The following KCNN3 variants were observed in gnomAD, a reference collection of about 807,000 sequenced individuals.
The protein encoded by KCNN3 is small conductance calcium-activated potassium channel protein 3.
In KCNN3, 16 loss-of-function variants were observed where a neutral mutation model predicts 62.9. The observed-to-expected ratio is 0.25, with a 90% CI of 0.17 to 0.39. The LOEUF (loss-of-function observed/expected upper bound fraction) is 0.39. Ranked by LOEUF, KCNN3 falls within the 10% of genes least tolerant of loss-of-function variation. The pLI, the probability that KCNN3 is intolerant of heterozygous loss-of-function variation, is 1.00. For synonymous variants in KCNN3, 370 were observed against 389.2 expected (o/e 0.95, Z 0.58); for missense variants, 599 against 949.4 (o/e 0.63, Z 4.85).
intron 2 of KCNN3, among the ~76,000 whole-genome samples, chr1:154,806,991 C>T (rs114942762): frequency 6.6e-6 from 1 of 152,172 alleles, no homozygotes; most frequent in African/African-American, 2.4e-5. Context: ...AGAATGTTCT[C>T]TGCTACAAGA....
intron 1 of KCNN3, among the ~76,000 whole-genome samples, chr1:154,853,296 CTTCT>C (rs1304071376): frequency 1.3e-5 from 2 of 151,856 alleles, no homozygotes; most frequent in African/African-American, 2.4e-5. Flanking sequence ...GCCCTAAGCA[CTTCT>C]TTATTTGTTT....
intron 1 of KCNN3, among the ~76,000 whole-genome samples, chr1:154,860,951 G>GT (rs761437574): frequency 0.088 from 9,887 of 111,984 alleles, 1,133 homozygotes; most frequent in African/African-American, 0.24. Flanking sequence ...TGCCACCCAA[G>GT]TTTTTTTTTT....
intron 1 of KCNN3, among the ~76,000 whole-genome samples, chr1:154,860,943 C>A (rs1443489879): frequency 1.3e-5 from 2 of 148,970 alleles, no homozygotes; most frequent in Middle Eastern, 3.4e-3. Context: ...CACTGGTGTG[C>A]CACCCAAGTT....
chr1:154,807,307 C>T (rs138401275), intron 2 of KCNN3, among the ~76,000 whole-genome samples: 1 of 152,186 alleles, frequency 6.6e-6, no homozygotes, highest in Non-Finnish European at 1.5e-5. Context: ...AGCCCGTAAC[C>T]CAACAGCAGC....
intron 5 of KCNN3, among the ~76,000 whole-genome samples, chr1:154,718,685 G>A (rs1700282117): frequency 6.6e-6 from 1 of 152,236 alleles, no homozygotes. Flanking sequence ...CTGCGGAGAA[G>A]ACGGTATGCA....
At chr1:154,868,759 A>AC in intron 1 of KCNN3, among the ~76,000 whole-genome samples, 1 of 151,826 alleles carries the variant, frequency 6.6e-6, no homozygotes, top group East Asian at 1.9e-4. Context: ...GATGTCCCCT[A>AC]CCCCCCAGAG....
chr1:154,801,088 C>G (rs1649933285), intron 2 of KCNN3, among the ~76,000 whole-genome samples: 1 of 151,862 alleles, frequency 6.6e-6, no homozygotes, highest in Non-Finnish European at 1.5e-5. Context: ...TGGACTCCAG[C>G]CTCCGTCCTC....
At chr1:154,863,262 C>T (rs1009327814) in intron 1 of KCNN3, among the ~76,000 whole-genome samples, 11 of 152,158 alleles carry the variant, frequency 7.2e-5, no homozygotes, top group Non-Finnish European at 1.6e-4. Context: ...CCATTCGCCT[C>T]CTCCGGACTT....
At chr1:154,786,598 A>G (rs1268804973) in intron 2 of KCNN3, among the ~76,000 whole-genome samples, 1 of 152,258 alleles carries the variant, frequency 6.6e-6, no homozygotes, top group Non-Finnish European at 1.5e-5. Flanking sequence ...ACACCAACAC[A>G]TAAAAACAAA....
chr1:154,861,708 TC>T lies in KCNN3; in HGVS notation c.933+7323del, dbSNP rs1571347612. The stretch of plus-strand genomic sequence containing the variant: ...CAAGCACCAACACCATAAACCACCG[TC>T]CGCCTGGGATGGATGCCATCTGGGT... On this transcript the variant is annotated intron_variant, in intron 1 of 7. Transcript: ENST00000271915. Among the ~76,000 whole-genome samples, 3 of 152,242 alleles carry T rather than the reference TC, an allele frequency of 2.0e-5. No individual in the cohort carries two copies. The East Asian group carries it at 5.8e-4, about 29-fold the overall frequency.
intron 2 of KCNN3, among the ~76,000 whole-genome samples, chr1:154,813,543 G>T (rs1250071527): frequency 6.6e-6 from 1 of 152,108 alleles, no homozygotes; most frequent in African/African-American, 2.4e-5. Context: ...TCCTGCCAGG[G>T]TTCAAGGGCA....
At chr1:154,854,184 G>A (rs1347741718) in intron 1 of KCNN3, among the ~76,000 whole-genome samples, 2 of 152,260 alleles carry the variant, frequency 1.3e-5, no homozygotes, top group East Asian at 1.9e-4. Flanking sequence ...GCAGTGAGCC[G>A]AGATTGGGCC....
intron 1 of KCNN3, among the ~76,000 whole-genome samples, chr1:154,863,801 G>A (rs939129660): frequency 2.0e-5 from 3 of 152,204 alleles, no homozygotes; most frequent in African/African-American, 7.2e-5. Flanking sequence ...TGCCCCTGGC[G>A]GAGCACCTGG....
chr1:154,865,829 A>G (rs959971373), intron 1 of KCNN3, among the ~76,000 whole-genome samples: 2 of 152,184 alleles, frequency 1.3e-5, no homozygotes, highest in Non-Finnish European at 2.9e-5. Flanking sequence ...TTAATCTTCA[A>G]TCACCTGGGG....
intron 3 of KCNN3, among the ~76,000 whole-genome samples, chr1:154,735,176 A>T (rs890765330): frequency 2.6e-5 from 4 of 152,156 alleles, no homozygotes; most frequent in Non-Finnish European, 4.4e-5. Context: ...GAGACAGGAC[A>T]CAGAGGTGGG....
At chr1:154,846,791 C>T (rs1429153301) in intron 1 of KCNN3, among the ~76,000 whole-genome samples, 1 of 152,176 alleles carries the variant, frequency 6.6e-6, no homozygotes, top group African/African-American at 2.4e-5. Flanking sequence ...TTGGGGACTG[C>T]CCTCTAGGGA....
At chr1:154,799,129 C>T (rs2101871655) in intron 2 of KCNN3, among the ~76,000 whole-genome samples, 1 of 152,194 alleles carries the variant, frequency 6.6e-6, no homozygotes, top group African/African-American at 2.4e-5. Flanking sequence ...GTTGGCCAGG[C>T]TGGTCTCGAA....
At chr1:154,840,620 T>C (rs550520715) in intron 1 of KCNN3, among the ~76,000 whole-genome samples, 2 of 152,326 alleles carry the variant, frequency 1.3e-5, no homozygotes, top group African/African-American at 4.8e-5. Flanking sequence ...ACAAAACGGC[T>C]TCTCCAAGCA....
chr1:154,758,636 G>T (rs1647850229), intron 3 of KCNN3, among the ~76,000 whole-genome samples: 1 of 152,108 alleles, frequency 6.6e-6, no homozygotes, highest in Non-Finnish European at 1.5e-5. Context: ...TCTGTGCAGT[G>T]GGGGGCAAGC....
Sources: allele counts gnomAD v4.1 joint callset (sites outside exome capture counted in the v4.1 genomes callset), GRCh38; gene constraint gnomAD v4.1.1; transcripts MANE v1.5; gene names NCBI Gene and HGNC (gene_info 2026-07-23, HGNC 2026-07-21).